CSMD1: variants seen among roughly 807,000 people sequenced by gnomAD.
CSMD1 encodes the protein CUB and sushi domain-containing protein 1.
A neutral mutation model predicts 417.5 loss-of-function variants in CSMD1; 213 were observed. The ratio of observed to expected loss-of-function variants is 0.51; its 90% CI spans 0.46 to 0.57. The LOEUF (loss-of-function observed/expected upper bound fraction) is 0.57. CSMD1 is among the 20% of genes least tolerant of loss of function. The probability of loss-of-function intolerance (pLI) is 0.00; values close to 1 mark genes in which losing one functional copy is unlikely to be tolerated. For synonymous variants in CSMD1, 2,862 were observed against 1,736.8 expected, an observed-to-expected ratio of 1.65 and a Z score of -16.11; for missense variants, 6,923 against 4,529.7, an observed-to-expected ratio of 1.53 and a Z score of -15.17.
chr8:3,307,646 A>C (rs531284778), intron 25 of CSMD1, 49 bp downstream of exon 25: 2 of 1,576,934 alleles, frequency 1.3e-6, no homozygotes, highest in South Asian at 2.3e-5. Flanking sequence ...ACAAGAATAG[A>C]AGGCATATCT....
intron 5 of CSMD1, among the ~76,000 whole-genome samples, chr8:3,787,967 C>T (rs866789994): frequency 1.3e-5 from 2 of 152,276 alleles, no homozygotes; most frequent in South Asian, 2.1e-4. Flanking sequence ...GCTCCTAATG[C>T]TCTTGAATAA....
rs937533316 is a variant in CSMD1, at chr8:3,808,215, A to G, written c.819-54173T>C. 7.9e-5 allele frequency among the ~76,000 whole-genome samples: 12 copies of G among 152,218 alleles called. No individual in the cohort carries two copies. In the South Asian group the frequency reaches 8.3e-4, roughly 11 times the overall value. On this transcript the variant is annotated intron_variant, in intron 5 of 69. Transcript: ENST00000635120. ...TTTGCAAAAACATCTGTGATCTAAA[A>G]TATACTAAGAGATATACTACAAAAT...
chr8:4,425,731 T>A (rs1054545140), intron 2 of CSMD1, among the ~76,000 whole-genome samples: 5 of 152,164 alleles, frequency 3.3e-5, no homozygotes, highest in Non-Finnish European at 7.4e-5. Context: ...CATTTTGAAG[T>A]AAAATGGATT....
At chr8:3,668,771 A>C (rs918363051) in intron 7 of CSMD1, among the ~76,000 whole-genome samples, 3 of 152,182 alleles carry the variant, frequency 2.0e-5, no homozygotes, top group Non-Finnish European at 2.9e-5. Flanking sequence ...AACATCCTGT[A>C]TCTACTCTAG....
intron 3 of CSMD1, among the ~76,000 whole-genome samples, chr8:4,224,460 G>C (rs1036139641): frequency 6.6e-6 from 1 of 151,616 alleles, no homozygotes; most frequent in African/African-American, 2.4e-5. Flanking sequence ...GGCCAGGTTG[G>C]GGAATAGTTG....
chr8:4,269,204 G>A lies in CSMD1; in HGVS notation c.415+150749C>T, dbSNP rs183970263. 5.5e-3 allele frequency among the ~76,000 whole-genome samples: 831 copies of A among 152,034 alleles called. 7 individuals carry two copies. The highest frequency in any genetic ancestry group is 0.014 in the Admixed American group (208 of 15,264). Reference sequence around the variant, plus strand: ...TCCTAGTAGCTGGGACTACAGACCCGAGCCACCACACCCGGCTAATTTTTG... The same window carrying A: ...TCCTAGTAGCTGGGACTACAGACCCAAGCCACCACACCCGGCTAATTTTTG... On this transcript the variant is annotated intron_variant, in intron 3 of 69. Transcript: ENST00000635120.
chr8:4,910,319 T>C (rs1028242037), intron 1 of CSMD1, among the ~76,000 whole-genome samples: 6 of 152,218 alleles, frequency 3.9e-5, no homozygotes, highest in Non-Finnish European at 8.8e-5. Flanking sequence ...ATAAGCTTTT[T>C]CTGTCAATGT....
chr8:3,417,173 G>C (rs772683541), intron 12 of CSMD1, among the ~76,000 whole-genome samples: 1 of 152,186 alleles, frequency 6.6e-6, no homozygotes, highest in Non-Finnish European at 1.5e-5. Context: ...ACCATGAAGA[G>C]TTGAGATTCT....
At chr8:3,636,870 A>G (rs1371210523) in intron 7 of CSMD1, among the ~76,000 whole-genome samples, 1 of 152,194 alleles carries the variant, frequency 6.6e-6, no homozygotes, top group Non-Finnish European at 1.5e-5. Flanking sequence ...GTTGAGATAT[A>G]TAGATTTTGT....
At chr8:4,154,258 C>A (rs947396031) in intron 3 of CSMD1, among the ~76,000 whole-genome samples, 14 of 148,624 alleles carry the variant, frequency 9.4e-5, no homozygotes, top group African/African-American at 2.9e-4. Flanking sequence ...TTCTGGCAAA[C>A]AGTAATGCTA....
At chr8:4,488,539 CT>C (rs1284584651) in intron 2 of CSMD1, among the ~76,000 whole-genome samples, 2 of 152,210 alleles carry the variant, frequency 1.3e-5, no homozygotes, top group African/African-American at 4.8e-5. Flanking sequence ...TGTTTTTAAA[CT>C]GGTGGAGTCG....
intron 1 of CSMD1, among the ~76,000 whole-genome samples, chr8:4,758,618 C>G (rs1221195133): frequency 1.3e-5 from 2 of 152,174 alleles, no homozygotes; most frequent in Non-Finnish European, 2.9e-5. Context: ...GTTTAATTGA[C>G]TCAGTTCCAC....
intron 3 of CSMD1, among the ~76,000 whole-genome samples, chr8:4,333,373 C>T (rs972191132): frequency 6.6e-6 from 1 of 152,078 alleles, no homozygotes; most frequent in African/African-American, 2.4e-5. Flanking sequence ...AGCACAGGCT[C>T]CAGGGACGGC....
Position 4,239,388 on chromosome 8 carries a change from T to G in CSMD1, c.415+180565A>C, listed in dbSNP as rs577248349. On this transcript the variant is annotated intron_variant, in intron 3 of 69. Transcript: ENST00000635120. Reference sequence around the variant, plus strand: ...AAGCTGTTTTCTCATTTGGCCATGGTTGGGATCTATCTAACTGTGATTCAT... The same window carrying G: ...AAGCTGTTTTCTCATTTGGCCATGGGTGGGATCTATCTAACTGTGATTCAT... Among the ~76,000 whole-genome samples the G allele has an allele frequency of 2.0e-5, 3 of 152,314 alleles. 1 individual carries two copies. The South Asian group carries it at 6.2e-4, about 32-fold the overall frequency.
chr8:4,040,073 C>A (rs1189295050), intron 3 of CSMD1, among the ~76,000 whole-genome samples: 1 of 152,066 alleles, frequency 6.6e-6, no homozygotes, highest in African/African-American at 2.4e-5. Flanking sequence ...GGAAATAATA[C>A]AATTTTCAAA....
At chr8:3,281,590 A>G (rs1410747028) in intron 26 of CSMD1, among the ~76,000 whole-genome samples, 1 of 152,222 alleles carries the variant, frequency 6.6e-6, no homozygotes, top group Admixed American at 6.5e-5. Flanking sequence ...GAAAGGCCAC[A>G]CACTGCGTGA....
intron 7 of CSMD1, among the ~76,000 whole-genome samples, chr8:3,624,017 G>C (rs1482214): frequency 0.27 from 41,654 of 151,774 alleles, 6,030 homozygotes; most frequent in East Asian, 0.58. Context: ...CTGTACTCTG[G>C]CCATAATTAC....
At chr8:4,311,416 T>C (rs1352410818) in intron 3 of CSMD1, among the ~76,000 whole-genome samples, 1 of 152,154 alleles carries the variant, frequency 6.6e-6, no homozygotes, top group African/African-American at 2.4e-5. Context: ...ACCAAATACA[T>C]GTTTCACTTA....
At chr8:3,709,869 A>G (rs1801408250) in intron 6 of CSMD1, among the ~76,000 whole-genome samples, 1 of 136,610 alleles carries the variant, frequency 7.3e-6, no homozygotes, top group Non-Finnish European at 1.6e-5. Flanking sequence ...GTGTGTGTGT[A>G]CACATGCACA....
Sources: gnomAD v4.1 joint callset for allele counts (sites outside exome capture counted in the v4.1 genomes callset) on GRCh38, gnomAD v4.1.1 for gene constraint, MANE v1.5 for transcripts, NCBI Gene and HGNC (gene_info 2026-07-23, HGNC 2026-07-21) for gene names.